LILRA1: variants seen among roughly 807,000 people sequenced by gnomAD.
The protein encoded by LILRA1 is leukocyte immunoglobulin like receptor A1, also known as leukocyte immunoglobulin-like receptor subfamily A member 1.
A neutral mutation model predicts 51.6 loss-of-function variants in LILRA1; 51 were observed. That is an observed-to-expected ratio of 0.99 (90% confidence interval 0.79 to 1.25). The LOEUF is 1.25. Among genes scored for constraint, LILRA1 ranks in the 50% most tolerant of loss-of-function variants. LILRA1 has a pLI of 0.00. For missense variants in LILRA1, 660 were observed against 611.7 expected (o/e 1.08, Z -0.83); for synonymous variants, 305 against 248.4 (o/e 1.23, Z -2.14).
intron 8 of LILRA1, 129 bp downstream of exon 8, chr19:54,599,415 C>A (rs7260424): frequency 0.067 from 90,665 of 1,354,996 alleles, 3,241 homozygotes; most frequent in African/African-American, 0.077. Context: ...TTCTTCAACA[C>A]CTTTAATGAT....
At chr19:54,595,567 C>A (rs557128541) in intron 5 of LILRA1, 72 bp from the exon 6 acceptor site, 61 of 1,558,348 alleles carry the variant, frequency 3.9e-5, no homozygotes, top group African/African-American at 3.0e-4. Flanking sequence ...GTGGTGAGGC[C>A]CCGGGGGAGA....
At chr19:54,599,386 T>C in intron 8 of LILRA1, 100 bp downstream of exon 8, 1 of 1,424,330 alleles carries the variant, frequency 7.0e-7, no homozygotes, top group Non-Finnish European at 9.4e-7. Flanking sequence ...AAAAATTACA[T>C]TCATTCTAAT....
Position 54,595,308 on chromosome 19 carries a change from G to A in LILRA1, c.567G>A (p.Pro189=), listed in dbSNP as rs2182092. ...TCTTCTCTGTGGGCCCCGTGAGCCC[G>A]AGTCGCAGGTGGTCGTACAGGTGCT... ...RAIFSVGPVS[P]SRRWSYRCYA... is the part of the protein sequence containing the mutation. Residue 189 remains proline, a synonymous_variant, in exon 5 of 10, where the codon CCG becomes CCA. Transcript: ENST00000251372. The A allele has an allele frequency of 0.047, 74,948 of 1,586,178 alleles. 1,908 individuals are homozygous for A. Among genetic ancestry groups the A allele is most frequent in the South Asian group, 0.059 (5,335 of 90,090 alleles).
At chr19:54,594,528 G>C in intron 3 of LILRA1, 52 bp downstream of exon 3, 3 of 1,613,996 alleles carry the variant, frequency 1.9e-6, no homozygotes, top group African/African-American at 2.7e-5. Context: ...GGGGACAAGG[G>C]GCCACCCCCG....
intron 7 of LILRA1, among the ~76,000 whole-genome samples, chr19:54,597,072 G>A (rs764098021): frequency 3.3e-5 from 5 of 152,308 alleles, no homozygotes; most frequent in Admixed American, 1.3e-4. Flanking sequence ...AAAGACAGAG[G>A]CCCCACCTGC....
chr19:54,599,460 A>G (rs1327240382), intron 8 of LILRA1, 174 bp downstream of exon 8: 1 of 1,270,466 alleles, frequency 7.9e-7, no homozygotes, highest in Non-Finnish European at 1.0e-6. Flanking sequence ...TTACATTTTT[A>G]AAATAAGAGA....
At chr19:54,597,674 G>A (rs1178504783) in intron 7 of LILRA1, among the ~76,000 whole-genome samples, 20 of 151,794 alleles carry the variant, frequency 1.3e-4, no homozygotes, top group Admixed American at 1.0e-3. Flanking sequence ...ACAGACAGAC[G>A]GTCCCTTGGC....
chr19:54,594,891 C>G lies in LILRA1; in HGVS notation c.297C>G (p.Phe99Leu), dbSNP rs770476706. 1.4e-5 allele frequency: 23 copies of G among 1,614,142 alleles called. No homozygotes were observed. Among genetic ancestry groups the G allele is most frequent in the Non-Finnish European group, 1.9e-5 (23 of 1,179,984 alleles). The change falls in exon 4 of 10, where the codon TTC becomes TTG. Residue 99 changes from phenylalanine to leucine, a missense_variant. Transcript: ENST00000251372. ...AACACACAGGGCGGTATCGCTGTTTCTACGGTAGCCACACTGCAGGCTGGT... is the reference window on the plus strand; with the variant it reads ...AACACACAGGGCGGTATCGCTGTTTGTACGGTAGCCACACTGCAGGCTGGT... ...TWEHTGRYRC[F>L]YGSHTAGWSE...
rs566667645 is a variant in LILRA1 at position 54,595,300 on chromosome 19, G to T, written c.559G>T (p.Val187Leu). ...WSRAIFSVGP[V>L]SPSRRWSYRC... ...CCGGGCCATCTTCTCTGTGGGCCCCGTGAGCCCGAGTCGCAGGTGGTCGTA... is the reference window on the plus strand; with the variant it reads ...CCGGGCCATCTTCTCTGTGGGCCCCTTGAGCCCGAGTCGCAGGTGGTCGTA... The change falls in exon 5 of 10, where the codon GTG becomes TTG. Residue 187 changes from valine to leucine, a missense_variant. Physicochemically the swap from Val to Leu is conservative, Grantham distance 32. Transcript: ENST00000251372. The T allele has an allele frequency of 2.5e-6, 4 of 1,614,110 alleles. No individual in the cohort carries two copies. The East Asian group carries it at 6.7e-5, about 27-fold the overall frequency.
Position 54,601,842 on chromosome 19 carries a change from T to C in LILRA1, c.*1025T>C, listed in dbSNP as rs1163040604. On this transcript the variant is annotated 3_prime_UTR_variant, in exon 10 of 10. Coordinates refer to ENST00000251372, the MANE Select transcript of LILRA1 (RefSeq NM_006863.4). Reference sequence around the variant, plus strand: ...GAATTGTCGCAAACAGCAAGAGGACTTGAGTCCTAGCATTAAAGAGTTCAA... The same window carrying C: ...GAATTGTCGCAAACAGCAAGAGGACCTGAGTCCTAGCATTAAAGAGTTCAA... 1 of 152,188 alleles carries C rather than the reference T, an allele frequency of 6.6e-6. No homozygotes were observed. The highest frequency in any genetic ancestry group is 2.4e-5 in the African/African-American group (1 of 41,436). The allele number at this position is 152,188 out of a possible 1,614,324, so 9.4% of individuals were successfully genotyped here. A position where few individuals can be genotyped will look rare whatever the true frequency, so the allele number is the denominator to read the frequency against.
At chr19:54,596,547 C>T (rs1263197506) in intron 7 of LILRA1, 56 bp downstream of exon 7, 1 of 1,607,554 alleles carries the variant, frequency 6.2e-7, no homozygotes. Context: ...AGGCCCTGCC[C>T]CCCAGGAGAG....
chr19:54,593,924 C>T (rs2062961348), intron 1 of LILRA1, 143 bp downstream of exon 1: 22 of 672,300 alleles, frequency 3.3e-5, no homozygotes, highest in South Asian at 1.7e-4. Context: ...TTTGCTGCTA[C>T]ATCCCGTCTC....
In LILRA1 at chr19:54,600,970, T is replaced by A; in HGVS notation, c.*153T>A. The A allele has an allele frequency of 2.4e-6, 2 of 830,268 alleles. No individual in the cohort carries two copies. Among genetic ancestry groups the A allele is most frequent in the Non-Finnish European group, 2.0e-6 (1 of 501,590 alleles). The allele number at this position is 830,268 out of a possible 1,614,324, so 51.4% of individuals were successfully genotyped here. On this transcript the variant is annotated 3_prime_UTR_variant, in exon 10 of 10. Transcript: ENST00000251372. Reference sequence around the variant, plus strand: ...TGCCAATCATTTTTAGAGGGAGGAATCAGTGTTGGATTGCAGAGACATTTT... The same window carrying A: ...TGCCAATCATTTTTAGAGGGAGGAAACAGTGTTGGATTGCAGAGACATTTT...
At chr19:54,595,525 C>A in intron 5 of LILRA1, 114 bp from the exon 6 acceptor site, 1 of 1,540,002 alleles carries the variant, frequency 6.5e-7, no homozygotes, top group Non-Finnish European at 8.7e-7. Context: ...GGGCTCAGGG[C>A]TCCTGGGGCC....
At chr19:54,598,484 C>T (rs1428390443) in intron 7 of LILRA1, among the ~76,000 whole-genome samples, 1 of 152,252 alleles carries the variant, frequency 6.6e-6, no homozygotes, top group East Asian at 1.9e-4. Context: ...CGGGGGAGGT[C>T]AGCGGGAGCT....
intron 6 of LILRA1, 76 bp downstream of exon 6, chr19:54,596,011 C>A (rs2063043222): frequency 2.5e-6 from 4 of 1,571,032 alleles, no homozygotes; most frequent in Non-Finnish European, 2.6e-6. Context: ...GTGGTGATGG[C>A]CGGAATGAGG....
intron 7 of LILRA1, 69 bp from the exon 8 acceptor site, chr19:54,599,166 TA>T: frequency 7.0e-7 from 1 of 1,422,934 alleles, no homozygotes; most frequent in South Asian, 1.2e-5. Context: ...AAGTTATACA[TA>T]ATCTTATATA....
At chr19:54,597,881 T>C (rs1600272474) in intron 7 of LILRA1, among the ~76,000 whole-genome samples, 3 of 151,320 alleles carry the variant, frequency 2.0e-5, no homozygotes, top group Non-Finnish European at 3.0e-5. Context: ...AGGGAGCAAG[T>C]GCACGGCCCC....
At chr19:54,595,044 G>C in intron 4 of LILRA1, 56 bp from the exon 5 acceptor site, 10 of 1,601,314 alleles carry the variant, frequency 6.2e-6, no homozygotes, top group South Asian at 1.1e-5. Context: ...GCCCAGCCCT[G>C]GGGATGAAGT....
Sources: allele counts gnomAD v4.1 joint callset (sites outside exome capture counted in the v4.1 genomes callset), GRCh38; gene constraint gnomAD v4.1.1; transcripts MANE v1.5; gene names NCBI Gene and HGNC (gene_info 2026-07-23, HGNC 2026-07-21).